SLMAP: variants seen among roughly 807,000 people sequenced by gnomAD.
SLMAP encodes sarcolemma associated protein.
In SLMAP, 44 loss-of-function variants were observed where a neutral mutation model predicts 128.8. That is an observed-to-expected ratio of 0.34 (90% confidence interval 0.27 to 0.44). SLMAP has a LOEUF of 0.44. Among genes scored for constraint, SLMAP ranks in the 20% least tolerant of loss-of-function variants. The probability of loss-of-function intolerance (pLI) is 1.00; values close to 1 mark genes in which losing one functional copy is unlikely to be tolerated. For missense variants in SLMAP, 787 were observed against 985.3 expected (o/e 0.80, Z 2.69); for synonymous variants, 327 against 348.8 (o/e 0.94, Z 0.70).
intron 2 of SLMAP, among the ~76,000 whole-genome samples, chr3:57,769,369 A>AT (rs1164493734): frequency 6.6e-6 from 1 of 151,834 alleles, no homozygotes; most frequent in Non-Finnish European, 1.5e-5. Flanking sequence ...AGTTTCTTGT[A>AT]TTTTTAGTAG....
chr3:57,906,677 ATATATATATATAT>A (rs2096577559), intron 17 of SLMAP, among the ~76,000 whole-genome samples: 36 of 80,848 alleles, frequency 4.5e-4, no homozygotes, highest in Middle Eastern at 6.5e-3. Flanking sequence ...AAAAAAAAAT[ATATATATATATAT>A]ATATATATAT....
chr3:57,890,001 C>T (rs751596364), intron 14 of SLMAP, 40 bp from the exon 15 acceptor site: 6 of 1,414,700 alleles, frequency 4.2e-6, no homozygotes, highest in Admixed American at 1.7e-5. Context: ...AAATGCTGCT[C>T]AGTTTGGGCT....
chr3:57,919,371 A>C (rs537845950), intron 22 of SLMAP, among the ~76,000 whole-genome samples: 79 of 152,020 alleles, frequency 5.2e-4, no homozygotes, highest in Non-Finnish European at 8.8e-4. Flanking sequence ...ACAAGAGCAA[A>C]ACTCCATCTC....
chr3:57,804,606 G>T (rs1423618792), intron 2 of SLMAP, among the ~76,000 whole-genome samples: 1 of 152,058 alleles, frequency 6.6e-6, no homozygotes, highest in Non-Finnish European at 1.5e-5. Flanking sequence ...TTAGCTGAGT[G>T]TAGTGTTGTG....
chr3:57,777,490 C>T (rs943914521), intron 2 of SLMAP, among the ~76,000 whole-genome samples: 4 of 151,842 alleles, frequency 2.6e-5, no homozygotes, highest in East Asian at 1.9e-4. Flanking sequence ...GGGGCTAAGA[C>T]GGGAGGACTG....
At chr3:57,853,570 G>C (rs1292600777) in intron 6 of SLMAP, among the ~76,000 whole-genome samples, 1 of 152,122 alleles carries the variant, frequency 6.6e-6, no homozygotes, top group Non-Finnish European at 1.5e-5. Flanking sequence ...CTGAGTAAAG[G>C]AGTCTCGCTT....
intron 14 of SLMAP, among the ~76,000 whole-genome samples, chr3:57,882,237 AAGTG>A (rs1370252928): frequency 6.6e-6 from 1 of 152,208 alleles, no homozygotes; most frequent in African/African-American, 2.4e-5. Context: ...GGGTTATTAG[AAGTG>A]AGTAAGACAA....
intron 2 of SLMAP, among the ~76,000 whole-genome samples, chr3:57,813,540 TG>T (rs903638263): frequency 7.9e-5 from 12 of 152,112 alleles, no homozygotes; most frequent in African/African-American, 2.9e-4. Context: ...GGAAAATATT[TG>T]GGGGAAAAAA....
chr3:57,772,055 A>G (rs2081004095), intron 2 of SLMAP, among the ~76,000 whole-genome samples: 2 of 152,358 alleles, frequency 1.3e-5, no homozygotes, highest in South Asian at 4.1e-4. Context: ...GTCTTCAAGG[A>G]GTTTCTCGTT....
At chr3:57,789,790 T>A (rs1280141596) in intron 2 of SLMAP, among the ~76,000 whole-genome samples, 2 of 152,204 alleles carry the variant, frequency 1.3e-5, no homozygotes, top group Non-Finnish European at 2.9e-5. Flanking sequence ...TTTTTTTCTT[T>A]ATCAAGTCCA....
At chr3:57,788,523 A>G (rs2084736754) in intron 2 of SLMAP, among the ~76,000 whole-genome samples, 1 of 152,190 alleles carries the variant, frequency 6.6e-6, no homozygotes, top group African/African-American at 2.4e-5. Flanking sequence ...ATACACTCCC[A>G]GGGAAGTTTG....
intron 4 of SLMAP, among the ~76,000 whole-genome samples, chr3:57,844,115 G>T (rs2094121916): frequency 1.3e-5 from 2 of 151,946 alleles, no homozygotes; most frequent in South Asian, 4.1e-4. Flanking sequence ...AGAGAGGCCT[G>T]GCGCAGGTGG....
intron 2 of SLMAP, among the ~76,000 whole-genome samples, chr3:57,813,835 C>T (rs896203596): frequency 2.0e-5 from 3 of 152,122 alleles, no homozygotes; most frequent in African/African-American, 7.2e-5. Flanking sequence ...CTTGCTAGAG[C>T]CAGTTATCAC....
At chr3:57,798,562 T>G (rs540667761) in intron 2 of SLMAP, among the ~76,000 whole-genome samples, 45 of 152,324 alleles carry the variant, frequency 3.0e-4, no homozygotes, top group Admixed American at 4.6e-4. Context: ...GAATATATAT[T>G]ATAGCTCAGT....
intron 13 of SLMAP, among the ~76,000 whole-genome samples, chr3:57,866,670 C>T (rs1012126510): frequency 2.0e-5 from 3 of 152,116 alleles, no homozygotes; most frequent in Non-Finnish European, 2.9e-5. Context: ...ATCGCTTGAG[C>T]TCAGGAGTTT....
chr3:57,876,321 GT>G (rs2095603002), intron 14 of SLMAP, among the ~76,000 whole-genome samples: 1 of 152,058 alleles, frequency 6.6e-6, no homozygotes, highest in South Asian at 2.1e-4. Context: ...ATTTCAATTT[GT>G]TTTCCTTTTA....
intron 6 of SLMAP, among the ~76,000 whole-genome samples, chr3:57,856,774 T>A (rs1433955039): frequency 6.6e-6 from 1 of 152,216 alleles, no homozygotes; most frequent in Non-Finnish European, 1.5e-5. Flanking sequence ...TATTATGTAC[T>A]ATATATAATT....
chr3:57,827,572 A>G (rs1354896770), intron 2 of SLMAP, among the ~76,000 whole-genome samples: 1 of 152,222 alleles, frequency 6.6e-6, no homozygotes, highest in Non-Finnish European at 1.5e-5. Flanking sequence ...AAACCTTAAA[A>G]CAATGAAAGT....
At position 57,909,163 on chromosome 3, in the gene SLMAP, C is replaced by T. The variant is rs1009843149; in HGVS notation, c.1699+13C>T. On this transcript the variant is annotated intron_variant, in intron 19 of 24. Coordinates refer to ENST00000671191, the MANE Select transcript of SLMAP (RefSeq NM_001377540.1). Reference sequence around the variant, plus strand: ...CAGGTTCTTCAAGGTATGGAAGACCCCAAGGCTCTTTGAGATTGTTATTGT... The same window carrying T: ...CAGGTTCTTCAAGGTATGGAAGACCTCAAGGCTCTTTGAGATTGTTATTGT... 7.0e-6 allele frequency: 11 copies of T among 1,570,278 alleles called. No individual in the cohort carries two copies. The African/African-American group carries it at 1.5e-4, about 21-fold the overall frequency.
Sources: allele counts gnomAD v4.1 joint callset (sites outside exome capture counted in the v4.1 genomes callset), GRCh38; gene constraint gnomAD v4.1.1; transcripts MANE v1.5; gene names NCBI Gene and HGNC (gene_info 2026-07-23, HGNC 2026-07-21).